Variants in DAB1 observed in about 807,000 individuals in gnomAD.
DAB1 encodes the protein DAB adaptor protein 1, also known as disabled homolog 1.
Under a neutral mutation model 64.6 loss-of-function variants are expected in DAB1, and 15 were observed. The observed-to-expected ratio is 0.23, with a 90% CI of 0.16 to 0.36. The LOEUF is 0.36. Among genes scored for constraint, DAB1 ranks in the 10% least tolerant of loss-of-function variants. DAB1 has a pLI of 1.00. For synonymous variants in DAB1, 235 were observed against 251.9 expected (o/e 0.93, Z 0.64); for missense variants, 596 against 706.7 (o/e 0.84, Z 1.78).
At chr1:57,339,591 C>G (rs1362287253) in intron 1 of DAB1, among the ~76,000 whole-genome samples, 1 of 152,106 alleles carries the variant, frequency 6.6e-6, no homozygotes, top group African/African-American at 2.4e-5. Flanking sequence ...GATTACAGAC[C>G]AATGATTTCA....
At chr1:58,373,880 G>A (rs1644296535) in intron 3 of DAB1, among the ~76,000 whole-genome samples, 1 of 150,598 alleles carries the variant, frequency 6.6e-6, no homozygotes, top group South Asian at 2.1e-4. Flanking sequence ...TCTAACTGGT[G>A]TGAGATGATA....
At chr1:58,241,213 T>C (rs1215204527) in intron 4 of DAB1, among the ~76,000 whole-genome samples, 2 of 152,194 alleles carry the variant, frequency 1.3e-5, no homozygotes, top group East Asian at 3.8e-4. Flanking sequence ...ATTATTATTA[T>C]TTCAGAACAT....
intron 5 of DAB1, among the ~76,000 whole-genome samples, chr1:58,146,317 C>T (rs1654590237): frequency 1.3e-5 from 2 of 152,112 alleles, no homozygotes; most frequent in South Asian, 4.1e-4. Flanking sequence ...TCCATATGTT[C>T]ATCACCTCAA....
chr1:58,512,322 C>A (rs1004285331), intron 2 of DAB1, among the ~76,000 whole-genome samples: 1 of 152,030 alleles, frequency 6.6e-6, no homozygotes, highest in African/African-American at 2.4e-5. Context: ...ATGGTGTGGA[C>A]TTTATGAAAA....
chr1:58,019,034 G>C (rs911266193), intron 5 of DAB1, among the ~76,000 whole-genome samples: 10 of 152,176 alleles, frequency 6.6e-5, no homozygotes, highest in Non-Finnish European at 1.5e-5. Flanking sequence ...CCACAGGCTG[G>C]CTGCATGACC....
At chr1:57,648,286 G>A (rs1434645652) in intron 7 of DAB1, among the ~76,000 whole-genome samples, 1 of 152,108 alleles carries the variant, frequency 6.6e-6, no homozygotes, top group East Asian at 1.9e-4. Flanking sequence ...TGGTGGTGGT[G>A]GGGCAGAAGG....
intron 7 of DAB1, among the ~76,000 whole-genome samples, chr1:57,629,276 T>C (rs1331664476): frequency 6.6e-6 from 1 of 152,200 alleles, no homozygotes; most frequent in African/African-American, 2.4e-5. Flanking sequence ...TTCTTATAAA[T>C]GGCCAGCAGC....
chr1:57,288,822 G>A (rs1386656370), intron 2 of DAB1, among the ~76,000 whole-genome samples: 2 of 152,044 alleles, frequency 1.3e-5, no homozygotes, highest in African/African-American at 4.8e-5. Flanking sequence ...AAAAGAGGAA[G>A]AAGATCACAG....
chr1:58,464,824 G>A (rs1269821535), intron 3 of DAB1, among the ~76,000 whole-genome samples: 5 of 152,114 alleles, frequency 3.3e-5, no homozygotes, highest in African/African-American at 1.2e-4. Flanking sequence ...GAGAGGATGC[G>A]ACCATTCTAA....
chr1:57,499,166 T>C (rs1254806056), intron 7 of DAB1, among the ~76,000 whole-genome samples: 1 of 152,108 alleles, frequency 6.6e-6, no homozygotes, highest in Non-Finnish European at 1.5e-5. Context: ...AGTAGACACA[T>C]GGTTTCACCA....
At chr1:58,200,686 A>T (rs1657949135) in intron 4 of DAB1, among the ~76,000 whole-genome samples, 1 of 151,998 alleles carries the variant, frequency 6.6e-6, no homozygotes, top group African/African-American at 2.4e-5. Context: ...AATTCAATTG[A>T]TTTTTTTTAC....
At chr1:57,769,594 C>T (rs544443533) in intron 6 of DAB1, among the ~76,000 whole-genome samples, 20 of 152,282 alleles carry the variant, frequency 1.3e-4, no homozygotes, top group South Asian at 2.1e-4. Flanking sequence ...GCTTCTCCAG[C>T]TGAGCAGGCC....
intron 6 of DAB1, among the ~76,000 whole-genome samples, chr1:57,781,112 CTCTCTCTCTCTCTCTA>C (rs1650056215): frequency 3.2e-5 from 2 of 62,628 alleles, no homozygotes; most frequent in Non-Finnish European, 6.3e-5. Flanking sequence ...CTCTCTCTCT[CTCTCTCTCTCTCTCTA>C]TATATATATA....
intron 4 of DAB1, among the ~76,000 whole-genome samples, chr1:58,299,285 G>C (rs1662062920): frequency 6.6e-6 from 1 of 152,182 alleles, no homozygotes. Context: ...AGATTTGACT[G>C]ACTCCAAAGA....
intron 3 of DAB1, among the ~76,000 whole-genome samples, chr1:57,139,114 A>G (rs547197541): frequency 6.6e-6 from 1 of 152,262 alleles, no homozygotes; most frequent in Admixed American, 6.5e-5. Flanking sequence ...TCAGAAAAAT[A>G]ATTAGCCCCT....
intron 7 of DAB1, among the ~76,000 whole-genome samples, chr1:57,463,212 C>G (rs771789956): frequency 2.0e-5 from 3 of 152,108 alleles, no homozygotes; most frequent in Non-Finnish European, 4.4e-5. Context: ...TTTGTGGAGC[C>G]TCAATCTCCC....
chr1:57,471,104 C>G (rs917577322), intron 7 of DAB1, among the ~76,000 whole-genome samples: 1 of 152,196 alleles, frequency 6.6e-6, no homozygotes, highest in African/African-American at 2.4e-5. Context: ...GGAGTCGAAT[C>G]AAGGAAGCAG....
At chr1:58,270,392 T>C (rs1427572226) in intron 4 of DAB1, among the ~76,000 whole-genome samples, 2 of 128,482 alleles carry the variant, frequency 1.6e-5, no homozygotes, top group African/African-American at 6.2e-5. Flanking sequence ...ATCTCTGTTT[T>C]GGTACCAGTA....
At chr1:57,092,872 T>C (rs1199569595) in intron 4 of DAB1, among the ~76,000 whole-genome samples, 1 of 152,098 alleles carries the variant, frequency 6.6e-6, no homozygotes, top group Non-Finnish European at 1.5e-5. Context: ...CCTTAAAGAA[T>C]AAAAATAATT....
Sources: allele counts gnomAD v4.1 joint callset (sites outside exome capture counted in the v4.1 genomes callset), GRCh38; gene constraint gnomAD v4.1.1; transcripts MANE v1.5; gene names NCBI Gene and HGNC (gene_info 2026-07-23, HGNC 2026-07-21).